The following TMEM267 variants were observed in gnomAD, a reference collection of about 807,000 sequenced individuals.
TMEM267 encodes the protein transmembrane protein C5orf28.
TMEM267 carries 20 observed loss-of-function variants against 19.3 expected under a neutral mutation model. The ratio of observed to expected loss-of-function variants is 1.04; its 90% CI spans 0.73 to 1.51. The LOEUF is 1.51. TMEM267 is among the 40% of genes most tolerant of loss of function. TMEM267 has a pLI of 0.00. For missense variants in TMEM267, 242 were observed against 261.9 expected (o/e 0.92, Z 0.52); for synonymous variants, 88 against 90.3 (o/e 0.97, Z 0.15).
At chr5:43,461,955 A>G (rs1269529549) in intron 1 of TMEM267, among the ~76,000 whole-genome samples, 1 of 152,194 alleles carries the variant, frequency 6.6e-6, no homozygotes, top group Non-Finnish European at 1.5e-5. Flanking sequence ...GGCAGTAGCC[A>G]GGAAGTGAAT....
Position 43,444,828 on chromosome 5 carries a change from T to C in TMEM267, c.*1394A>G, listed in dbSNP as rs1216400596. Reference sequence around the variant, plus strand: ...TTACTCTTGAAAAATAAGTAGACTGTAATATCTAATCAATTGCAAAATATA... The same window carrying C: ...TTACTCTTGAAAAATAAGTAGACTGCAATATCTAATCAATTGCAAAATATA... On this transcript the variant is annotated 3_prime_UTR_variant, in exon 3 of 3. Coordinates refer to ENST00000397080, the MANE Select transcript of TMEM267 (RefSeq NM_022483.5). The C allele has an allele frequency of 6.6e-6, 1 of 152,058 alleles. No homozygotes were observed. Among genetic ancestry groups the C allele is most frequent in the Non-Finnish European group, 1.5e-5 (1 of 68,016 alleles). The allele number at this position is 152,058 out of a possible 1,614,324, so 9.4% of individuals were successfully genotyped here.
chr5:43,478,586 T>C (rs528426769), intron 1 of TMEM267, among the ~76,000 whole-genome samples: 3 of 152,158 alleles, frequency 2.0e-5, no homozygotes, highest in African/African-American at 7.2e-5. Context: ...AGTTTCTGCA[T>C]GGCAAAGTTA....
At chr5:43,456,088 G>C (rs1159288465) in intron 1 of TMEM267, among the ~76,000 whole-genome samples, 1 of 150,354 alleles carries the variant, frequency 6.7e-6, no homozygotes, top group Non-Finnish European at 1.5e-5. Context: ...AGTGATCCTT[G>C]GCTTCCCAAA....
chr5:43,468,962 C>A (rs1357734648), intron 1 of TMEM267, among the ~76,000 whole-genome samples: 1 of 152,004 alleles, frequency 6.6e-6, no homozygotes, highest in Non-Finnish European at 1.5e-5. Flanking sequence ...ACAATATTCT[C>A]CTGAATGACC....
chr5:43,459,679 T>A (rs1315634813), intron 1 of TMEM267, among the ~76,000 whole-genome samples: 2 of 152,202 alleles, frequency 1.3e-5, no homozygotes. Context: ...GATGCTTACA[T>A]GTCAAACAAC....
intron 2 of TMEM267, among the ~76,000 whole-genome samples, chr5:43,448,455 C>CTAG (rs1455356286): frequency 6.6e-6 from 1 of 151,916 alleles, no homozygotes; most frequent in Non-Finnish European, 1.5e-5. Flanking sequence ...CTATAAAAAG[C>CTAG]TAGTATAGGA....
At position 43,448,072 on chromosome 5, in the gene TMEM267, A is replaced by G. The variant is rs144872505; in HGVS notation, c.313-1515T>C. 6.7e-4 allele frequency among the ~76,000 whole-genome samples: 102 copies of G among 152,356 alleles called. 1 individual carries two copies. In the East Asian group the frequency reaches 0.018, roughly 26 times the overall value. ...AGACAATGTTCCGACCACATGAAAA[A>G]AAGTTACCTATTAAAGAGACTCTAC... On this transcript the variant is annotated intron_variant, in intron 2 of 2. Coordinates refer to ENST00000397080, the MANE Select transcript of TMEM267 (RefSeq NM_022483.5).
At chr5:43,462,237 C>T (rs1003344102) in intron 1 of TMEM267, among the ~76,000 whole-genome samples, 1 of 152,158 alleles carries the variant, frequency 6.6e-6, no homozygotes, top group Non-Finnish European at 1.5e-5. Context: ...GCTTGGAGTG[C>T]CCTCTAAAGC....
intron 2 of TMEM267, among the ~76,000 whole-genome samples, chr5:43,451,168 C>T (rs1336478803): frequency 6.6e-6 from 1 of 152,070 alleles, no homozygotes; most frequent in Non-Finnish European, 1.5e-5. Context: ...ACTTATCATG[C>T]TTATTTAATC....
intron 1 of TMEM267, among the ~76,000 whole-genome samples, chr5:43,468,326 C>T (rs902275006): frequency 1.3e-5 from 2 of 152,050 alleles, no homozygotes; most frequent in South Asian, 4.1e-4. Context: ...AGTATCTTAT[C>T]GGTTAATTGC....
At chr5:43,451,152 C>T (rs1742563508) in intron 2 of TMEM267, among the ~76,000 whole-genome samples, 2 of 152,080 alleles carry the variant, frequency 1.3e-5, no homozygotes, top group South Asian at 2.1e-4. Flanking sequence ...TTTACCAGGA[C>T]ATGTCACTTA....
At position 43,446,235 on chromosome 5, in the gene TMEM267, C is replaced by T. The variant is rs753589214; in HGVS notation, c.635G>A (p.Arg212His). The change falls in exon 3 of 3, where the codon CGT becomes CAT. Residue 212 changes from arginine (R) to histidine (H), a missense_variant. Physicochemically the swap from Arg to His is conservative, Grantham distance 29. Coordinates refer to ENST00000397080, the MANE Select transcript of TMEM267 (RefSeq NM_022483.5). ...RQMMSSKHGV[R>H]IDV ...CTGCCGTGTACCTCAGACATCAATA[C>T]GAACTCCATGTTTTGAAGACATCAT... is the stretch of plus-strand genomic sequence containing the variant. 1.3e-5 allele frequency: 21 copies of T among 1,608,964 alleles called. No individual in the cohort carries two copies. Among genetic ancestry groups the T allele is most frequent in the Middle Eastern group, 1.7e-4 (1 of 6,048 alleles).
intron 1 of TMEM267, among the ~76,000 whole-genome samples, chr5:43,464,980 T>A (rs1743549115): frequency 2.0e-5 from 3 of 152,090 alleles, no homozygotes; most frequent in Non-Finnish European, 2.9e-5. Context: ...CTAAAGAGCT[T>A]CTGCACAGCA....
At chr5:43,452,597 A>AC (rs1742673063) in intron 2 of TMEM267, among the ~76,000 whole-genome samples, 1 of 151,850 alleles carries the variant, frequency 6.6e-6, no homozygotes, top group African/African-American at 2.4e-5. Context: ...AAAAAAAAAA[A>AC]AAAAACTGAA....
intron 1 of TMEM267, among the ~76,000 whole-genome samples, chr5:43,469,542 G>T (rs1743939802): frequency 2.0e-5 from 3 of 152,216 alleles, no homozygotes; most frequent in Admixed American, 1.3e-4. Context: ...CTGAAAAAGG[G>T]CTAGGTAAAA....
Position 43,444,988 on chromosome 5 carries a change from AC to A in TMEM267, c.*1233del, listed in dbSNP as rs1172809024. 4.6e-5 allele frequency: 7 copies of A among 152,234 alleles called. No homozygotes were observed. The highest frequency in any genetic ancestry group is 1.9e-4 in the East Asian group (1 of 5,178). 9.4% of individuals were successfully genotyped at this position (152,234 alleles called of 1,614,324 possible). The stretch of plus-strand genomic sequence containing the variant: ...CTGTGGATAAGGCATTGCTTTATGA[AC>A]CCTCCATCTTTCCTCAGAGAATAAG... On this transcript the variant is annotated 3_prime_UTR_variant, in exon 3 of 3. Coordinates refer to ENST00000397080, the MANE Select transcript of TMEM267 (RefSeq NM_022483.5).
intron 1 of TMEM267, among the ~76,000 whole-genome samples, chr5:43,465,967 T>TAA (rs34057271): frequency 2.0e-5 from 3 of 149,026 alleles, no homozygotes; most frequent in East Asian, 2.0e-4. Flanking sequence ...TAATAAAATT[T>TAA]AAAAAAAAGA....
At chr5:43,474,081 G>A (rs1744250060) in intron 1 of TMEM267, among the ~76,000 whole-genome samples, 1 of 152,134 alleles carries the variant, frequency 6.6e-6, no homozygotes, top group South Asian at 2.1e-4. Context: ...GCTGAAACTG[G>A]ATCCCTTCCT....
intron 1 of TMEM267, among the ~76,000 whole-genome samples, chr5:43,463,968 G>T (rs1386368881): frequency 1.3e-5 from 2 of 152,134 alleles, no homozygotes; most frequent in African/African-American, 2.4e-5. Flanking sequence ...AATTAGGCAG[G>T]AGAAGGAAAT....
Sources: gnomAD v4.1 joint callset for allele counts (sites outside exome capture counted in the v4.1 genomes callset) on GRCh38, gnomAD v4.1.1 for gene constraint, MANE v1.5 for transcripts, NCBI Gene and HGNC (gene_info 2026-07-23, HGNC 2026-07-21) for gene names.